Variants in KIAA1328 observed in about 807,000 individuals in gnomAD.
KIAA1328 encodes protein hinderin.
Under a neutral mutation model 68.1 loss-of-function variants are expected in KIAA1328, and 52 were observed. The ratio of observed to expected loss-of-function variants is 0.76; its 90% confidence interval spans 0.61 to 0.96. KIAA1328 has a LOEUF of 0.96. KIAA1328 is among the 40% of genes least tolerant of loss of function. The probability of loss-of-function intolerance (pLI) is 0.00; values close to 1 mark genes in which losing one functional copy is unlikely to be tolerated. For synonymous variants in KIAA1328, 232 were observed against 239.4 expected (o/e 0.97, Z 0.28); for missense variants, 641 against 677.6 (o/e 0.95, Z 0.60).
intron 7 of KIAA1328, among the ~76,000 whole-genome samples, chr18:37,086,480 A>G (rs1023561877): frequency 2.0e-5 from 3 of 152,112 alleles, no homozygotes; most frequent in Non-Finnish European, 2.9e-5. Context: ...TTCCTTACCT[A>G]TCATCCTGGA....
At chr18:36,832,237 T>G (rs961468726) in intron 1 of KIAA1328, among the ~76,000 whole-genome samples, 1 of 152,148 alleles carries the variant, frequency 6.6e-6, no homozygotes, top group Admixed American at 6.5e-5. Context: ...TTGAAGTAGT[T>G]TGTTTAGAGT....
intron 6 of KIAA1328, among the ~76,000 whole-genome samples, chr18:37,042,082 G>T (rs2055275723): frequency 6.6e-6 from 1 of 151,934 alleles, no homozygotes; most frequent in African/African-American, 2.4e-5. Flanking sequence ...GTTTTTTGTA[G>T]AGTTAGGTTT....
chr18:36,917,390 A>AT (rs1390983657), intron 5 of KIAA1328, among the ~76,000 whole-genome samples: 7 of 151,454 alleles, frequency 4.6e-5, no homozygotes, highest in Non-Finnish European at 1.0e-4. Context: ...GCTACTTAAA[A>AT]TTTTTTTTCT....
intron 6 of KIAA1328, among the ~76,000 whole-genome samples, chr18:36,996,248 A>G (rs564422897): frequency 7.5e-4 from 114 of 152,322 alleles, no homozygotes; most frequent in Middle Eastern, 6.8e-3. Context: ...CACTTATTCT[A>G]TACCACATAC....
chr18:37,158,327 T>C (rs1481547460), intron 7 of KIAA1328, among the ~76,000 whole-genome samples: 1 of 152,202 alleles, frequency 6.6e-6, no homozygotes, highest in African/African-American at 2.4e-5. Flanking sequence ...CATTTTGTGT[T>C]GACAAGTCAC....
chr18:37,169,696 T>TA (rs926327816), intron 8 of KIAA1328, among the ~76,000 whole-genome samples: 5 of 152,210 alleles, frequency 3.3e-5, no homozygotes, highest in East Asian at 3.8e-4. Context: ...AGAGAATTAA[T>TA]AAAAAAGAAC....
chr18:36,844,131 A>G (rs375822625), intron 3 of KIAA1328, 77 bp from the exon 4 acceptor site: 7 of 862,428 alleles, frequency 8.1e-6, no homozygotes, highest in Middle Eastern at 6.8e-4. Flanking sequence ...AAGAAATTTC[A>G]CCTTGCACCT....
chr18:36,944,451 C>T (rs951992583), intron 5 of KIAA1328, among the ~76,000 whole-genome samples: 8 of 152,074 alleles, frequency 5.3e-5, no homozygotes, highest in African/African-American at 1.4e-4. Flanking sequence ...TGGTGGCGGG[C>T]GCCTCTGTTC....
intron 7 of KIAA1328, among the ~76,000 whole-genome samples, chr18:37,089,000 CAT>C (rs1344853517): frequency 1.2e-4 from 18 of 152,154 alleles, no homozygotes; most frequent in Admixed American, 1.1e-3. Context: ...ATATATACAA[CAT>C]GTGTATATAT....
chr18:36,855,974 A>T (rs2047370313), intron 4 of KIAA1328, among the ~76,000 whole-genome samples: 1 of 148,908 alleles, frequency 6.7e-6, no homozygotes, highest in Admixed American at 6.7e-5. Context: ...AGTTAACAGG[A>T]TTTTTTTTTT....
intron 4 of KIAA1328, among the ~76,000 whole-genome samples, chr18:36,884,496 A>G (rs751559468): frequency 4.6e-5 from 7 of 152,198 alleles, no homozygotes; most frequent in Non-Finnish European, 8.8e-5. Flanking sequence ...TTGAACATTC[A>G]TGATTCTAAT....
chr18:37,015,194 G>A (rs888899313), intron 6 of KIAA1328, among the ~76,000 whole-genome samples: 1 of 152,142 alleles, frequency 6.6e-6, no homozygotes, highest in Non-Finnish European at 1.5e-5. Context: ...GAAAGGTAGG[G>A]ATCTAGTTTT....
At chr18:36,967,530 A>G (rs904014608) in intron 6 of KIAA1328, among the ~76,000 whole-genome samples, 4 of 152,202 alleles carry the variant, frequency 2.6e-5, no homozygotes, top group Non-Finnish European at 5.9e-5. Context: ...TGTTGCATTT[A>G]TGGTAACTTG....
At chr18:36,984,718 C>T (rs889263823) in intron 6 of KIAA1328, among the ~76,000 whole-genome samples, 2 of 151,774 alleles carry the variant, frequency 1.3e-5, no homozygotes, top group Non-Finnish European at 1.5e-5. Flanking sequence ...CCATCCTGGC[C>T]AACATGGTGA....
chr18:36,999,262 C>T (rs573853998), intron 6 of KIAA1328, among the ~76,000 whole-genome samples: 4 of 152,104 alleles, frequency 2.6e-5, no homozygotes, highest in African/African-American at 9.6e-5. Flanking sequence ...AGAACAAAGC[C>T]TTCAGGATAT....
At chr18:36,959,930 G>A (rs185715987) in intron 6 of KIAA1328, among the ~76,000 whole-genome samples, 182 of 152,218 alleles carry the variant, frequency 1.2e-3, no homozygotes, top group Middle Eastern at 6.8e-3. Flanking sequence ...TTATATAAGC[G>A]TTTGTACACT....
chr18:37,156,891 T>C (rs1270695564), intron 7 of KIAA1328, among the ~76,000 whole-genome samples: 3 of 152,110 alleles, frequency 2.0e-5, no homozygotes, highest in African/African-American at 7.2e-5. Flanking sequence ...GAAATCGTAC[T>C]TGCAGATATA....
intron 6 of KIAA1328, among the ~76,000 whole-genome samples, chr18:37,049,721 C>A (rs890570141): frequency 6.6e-6 from 1 of 152,122 alleles, no homozygotes; most frequent in Non-Finnish European, 1.5e-5. Flanking sequence ...AAGAAAGACT[C>A]TGATCTTTAG....
intron 4 of KIAA1328, among the ~76,000 whole-genome samples, chr18:36,865,395 A>G (rs2047716096): frequency 6.6e-6 from 1 of 152,112 alleles, no homozygotes; most frequent in African/African-American, 2.4e-5. Context: ...TTTCTAGCTT[A>G]GTTCTATTAT....
Sources: allele counts gnomAD v4.1 joint callset (sites outside exome capture counted in the v4.1 genomes callset), GRCh38; gene constraint gnomAD v4.1.1; transcripts MANE v1.5; gene names NCBI Gene and HGNC (gene_info 2026-07-23, HGNC 2026-07-21).